TENM3: variants seen among roughly 807,000 people sequenced by gnomAD.
TENM3 encodes the protein teneurin-3.
Under a neutral mutation model 255.1 loss-of-function variants are expected in TENM3, and 63 were observed. That is an observed-to-expected ratio of 0.25 (90% CI 0.20 to 0.30). The LOEUF (loss-of-function observed/expected upper bound fraction) is 0.30. TENM3 is among the 10% of genes least tolerant of loss of function. The probability of loss-of-function intolerance (pLI) is 1.00; values close to 1 mark genes in which losing one functional copy is unlikely to be tolerated. For synonymous variants in TENM3, 1,306 were observed against 1,322.3 expected (o/e 0.99, Z 0.27); for missense variants, 2,929 against 3,461.1 (o/e 0.85, Z 3.86).
At chr4:181,543,006 A>G in the TENM3 span, among the ~76,000 whole-genome samples, 1 of 152,318 alleles carries the variant, frequency 6.6e-6, no homozygotes, top group African/African-American at 2.4e-5. Flanking sequence ...TATTCCAGCC[A>G]ACTCTCAACT....
the TENM3 span, among the ~76,000 whole-genome samples, chr4:182,061,265 A>C: frequency 6.6e-6 from 1 of 152,086 alleles, no homozygotes; most frequent in African/African-American, 2.4e-5. Flanking sequence ...ACAATGACCT[A>C]CATAAGGTAG....
At chr4:181,642,554 G>A in the TENM3 span, among the ~76,000 whole-genome samples, 12,118 of 151,906 alleles carry the variant, frequency 0.08, 644 homozygotes, top group South Asian at 0.13. Flanking sequence ...CCATGCCGAT[G>A]TCCTGAATGG....
At chr4:181,713,772 A>C in the TENM3 span, among the ~76,000 whole-genome samples, 1 of 152,128 alleles carries the variant, frequency 6.6e-6, no homozygotes. Context: ...TATACTCTTA[A>C]ATTCTCACAG....
At chr4:181,960,662 C>T in the TENM3 span, among the ~76,000 whole-genome samples, 1 of 152,154 alleles carries the variant, frequency 6.6e-6, no homozygotes, top group Non-Finnish European at 1.5e-5. Flanking sequence ...TCTGCTAAAA[C>T]AATGGAGAAA....
At chr4:181,723,725 T>C in the TENM3 span, among the ~76,000 whole-genome samples, 10 of 152,178 alleles carry the variant, frequency 6.6e-5, no homozygotes, top group Non-Finnish European at 1.3e-4. Context: ...AGTAATGTTC[T>C]GTATTTATCT....
At chr4:182,065,567 G>A in the TENM3 span, among the ~76,000 whole-genome samples, 2 of 152,174 alleles carry the variant, frequency 1.3e-5, no homozygotes, top group African/African-American at 4.8e-5. Flanking sequence ...CGCGAGAACA[G>A]CAAGGGGGAA....
chr4:182,293,458 G>T (rs143593744), intron 1 of TENM3, among the ~76,000 whole-genome samples: 1 of 152,182 alleles, frequency 6.6e-6, no homozygotes. Context: ...GGAAGGATGC[G>T]TCTCTCTTCC....
intron 6 of TENM3, among the ~76,000 whole-genome samples, chr4:182,655,571 C>T (rs1179264393): frequency 1.3e-5 from 2 of 152,170 alleles, no homozygotes; most frequent in Non-Finnish European, 2.9e-5. Flanking sequence ...CAAATCCTCG[C>T]TCTTTCGCCT....
the TENM3 span, among the ~76,000 whole-genome samples, chr4:181,691,457 TG>T: frequency 1.3e-5 from 2 of 152,076 alleles, no homozygotes; most frequent in Middle Eastern, 3.2e-3. Context: ...ATGTAGAAAG[TG>T]AATGACATCT....
intron 3 of TENM3, among the ~76,000 whole-genome samples, chr4:182,420,889 C>G (rs974222315): frequency 6.6e-6 from 1 of 152,128 alleles, no homozygotes; most frequent in South Asian, 2.1e-4. Flanking sequence ...TTTCTTATGT[C>G]CTTATCATTA....
chr4:181,606,046 C>T, the TENM3 span, among the ~76,000 whole-genome samples: 1 of 152,084 alleles, frequency 6.6e-6, no homozygotes, highest in Non-Finnish European at 1.5e-5. Context: ...AATGAGTACC[C>T]ATCCAGATGC....
At chr4:182,080,231 G>A in the TENM3 span, among the ~76,000 whole-genome samples, 6 of 152,120 alleles carry the variant, frequency 3.9e-5, no homozygotes, top group African/African-American at 1.4e-4. Context: ...TGAAATTCAG[G>A]TTGGGACTTG....
At chr4:181,570,560 A>G in the TENM3 span, among the ~76,000 whole-genome samples, 8 of 149,492 alleles carry the variant, frequency 5.4e-5, no homozygotes, top group East Asian at 2.0e-4. Context: ...GAGAGAGAGA[A>G]AAAAAAGAAA....
chr4:182,349,033 A>T (rs950873367), intron 3 of TENM3, among the ~76,000 whole-genome samples: 3 of 152,222 alleles, frequency 2.0e-5, no homozygotes, highest in Non-Finnish European at 4.4e-5. Flanking sequence ...GCTAGGAAGC[A>T]GAATGAAGAG....
chr4:181,568,324 C>A, the TENM3 span, among the ~76,000 whole-genome samples: 1 of 151,970 alleles, frequency 6.6e-6, no homozygotes, highest in African/African-American at 2.4e-5. Context: ...CCACCACACC[C>A]AGATAATTGT....
At chr4:182,456,917 T>TA (rs1274244775) in intron 3 of TENM3, among the ~76,000 whole-genome samples, 1 of 152,130 alleles carries the variant, frequency 6.6e-6, no homozygotes, top group East Asian at 1.9e-4. Flanking sequence ...GCATGGTGGC[T>TA]CATGCCTGTA....
chr4:182,151,073 G>C (rs1019737094), intron 1 of TENM3, among the ~76,000 whole-genome samples: 1 of 151,984 alleles, frequency 6.6e-6, no homozygotes, highest in African/African-American at 2.4e-5. Context: ...TTGACAATAG[G>C]GGCGTTTCCA....
At chr4:181,917,975 T>C in the TENM3 span, among the ~76,000 whole-genome samples, 1 of 152,104 alleles carries the variant, frequency 6.6e-6, no homozygotes, top group Non-Finnish European at 1.5e-5. Flanking sequence ...TCCTCAGGTT[T>C]CTAACCAACT....
At chr4:181,528,956 C>A in the TENM3 span, among the ~76,000 whole-genome samples, 3 of 152,046 alleles carry the variant, frequency 2.0e-5, no homozygotes, top group African/African-American at 7.2e-5. Flanking sequence ...AAATATATGT[C>A]TATATTTAAC....
Sources: allele counts gnomAD v4.1 joint callset (sites outside exome capture counted in the v4.1 genomes callset), GRCh38; gene constraint gnomAD v4.1.1; transcripts MANE v1.5; gene names NCBI Gene and HGNC (gene_info 2026-07-23, HGNC 2026-07-21).